The following SLC44A1 variants were observed in gnomAD, a reference collection of about 807,000 sequenced individuals.
SLC44A1 encodes choline transporter-like protein 1.
SLC44A1 carries 26 observed loss-of-function variants against 79.3 expected under a neutral mutation model. That is an observed-to-expected ratio of 0.33 (90% CI 0.24 to 0.46). The LOEUF (loss-of-function observed/expected upper bound fraction) is 0.46, where lower values mean the gene tolerates loss of function less well. SLC44A1 is among the 20% of genes least tolerant of loss of function. SLC44A1 has a pLI of 1.00. For synonymous variants in SLC44A1, 263 were observed against 286.2 expected, an observed-to-expected ratio of 0.92 and a Z score of 0.82; for missense variants, 688 against 798.1, an observed-to-expected ratio of 0.86 and a Z score of 1.66.
intron 4 of SLC44A1, among the ~76,000 whole-genome samples, chr9:105,337,497 T>A (rs183208255): frequency 2.6e-5 from 4 of 152,338 alleles, no homozygotes; most frequent in Admixed American, 2.6e-4. Flanking sequence ...TAATGGAATG[T>A]AATAGTCTTT....
chr9:105,329,893 C>G (rs1826697602), intron 3 of SLC44A1, among the ~76,000 whole-genome samples: 1 of 152,118 alleles, frequency 6.6e-6, no homozygotes, highest in Admixed American at 6.6e-5. Flanking sequence ...AATGGTTTCT[C>G]TAACCCCTTA....
chr9:105,373,174 G>A (rs1381252172), intron 12 of SLC44A1, among the ~76,000 whole-genome samples: 2 of 152,114 alleles, frequency 1.3e-5, no homozygotes, highest in Non-Finnish European at 2.9e-5. Flanking sequence ...AGTGGTTAAA[G>A]CTTTATAGAC....
At chr9:105,367,347 G>T (rs564484719) in intron 12 of SLC44A1, among the ~76,000 whole-genome samples, 12 of 152,138 alleles carry the variant, frequency 7.9e-5, no homozygotes, top group African/African-American at 2.6e-4. Context: ...TGCTTTATTG[G>T]GTTCTATGGT....
At chr9:105,358,049 G>A (rs1564456529) in intron 6 of SLC44A1, among the ~76,000 whole-genome samples, 1 of 152,112 alleles carries the variant, frequency 6.6e-6, no homozygotes, top group Non-Finnish European at 1.5e-5. Context: ...TGTCTTCCCC[G>A]TGGTGAATCC....
chr9:105,368,252 G>A (rs933359815), intron 12 of SLC44A1, among the ~76,000 whole-genome samples: 1 of 151,718 alleles, frequency 6.6e-6, no homozygotes, highest in Non-Finnish European at 1.5e-5. Flanking sequence ...TCGTAGGCAC[G>A]ATGTTTGAAG....
Position 105,276,565 on chromosome 9 carries a change from C to CGTGTGTGTGTGTGTGT in SLC44A1, c.37-22616_37-22601dup, listed in dbSNP as rs60259632. On this transcript the variant is annotated intron_variant, in intron 1 of 15. Coordinates refer to ENST00000374720, the MANE Select transcript of SLC44A1 (RefSeq NM_080546.5). ...AAGTTAGGAAACGGGGATGGGGAGC[C>CGTGTGTGTGTGTGTGT]GTGTGTGTGTGTGTGTGTGTGTGTG... is the stretch of plus-strand genomic sequence containing the variant. Among the ~76,000 whole-genome samples the CGTGTGTGTGTGTGTGT allele has an allele frequency of 3.2e-3, 381 of 118,980 alleles. 16 individuals carry two copies. The highest frequency in any genetic ancestry group is 5.7e-3 in the East Asian group (20 of 3,532). The allele number at this position is 118,980 out of a possible 152,430, so 78.1% of individuals were successfully genotyped here. A position where few individuals can be genotyped will look rare whatever the true frequency, so the allele number is the denominator to read the frequency against.
chr9:105,250,872 G>GT (rs951324299), intron 1 of SLC44A1, among the ~76,000 whole-genome samples: 73 of 151,398 alleles, frequency 4.8e-4, no homozygotes, highest in Non-Finnish European at 7.8e-4. Flanking sequence ...ATCAAAAAAA[G>GT]TTTTTTTTTC....
intron 2 of SLC44A1, among the ~76,000 whole-genome samples, chr9:105,309,356 TC>T (rs1207058144): frequency 1.3e-5 from 2 of 152,328 alleles, no homozygotes; most frequent in East Asian, 3.9e-4. Flanking sequence ...CGCCTCAGTT[TC>T]TTCATCATGA....
chr9:105,315,989 G>A (rs1015530688), intron 3 of SLC44A1, among the ~76,000 whole-genome samples: 5 of 152,020 alleles, frequency 3.3e-5, no homozygotes, highest in Non-Finnish European at 7.4e-5. Flanking sequence ...CCACTATTAC[G>A]AATACTAAAA....
rs1828868975 is a variant in SLC44A1 at position 105,395,990 on chromosome 9, C to G, written c.*6934C>G. 4.1e-6 allele frequency: 4 copies of G among 984,104 alleles called. No homozygotes were observed. Among genetic ancestry groups the G allele is most frequent in the Non-Finnish European group, 4.8e-6 (4 of 829,670 alleles). The allele number at this position is 984,104 out of a possible 1,614,324, so 61.0% of individuals were successfully genotyped here. On this transcript the variant is annotated 3_prime_UTR_variant, in exon 16 of 16. Coordinates refer to ENST00000374720, the MANE Select transcript of SLC44A1 (RefSeq NM_080546.5). ...GGGGGCTGGTGATTTGAAACAGGGA[C>G]TATTAAGTAGATTTTCCCCCATCCT...
chr9:105,436,761 C>G (rs1021457836), intron 15 of SLC44A1, among the ~76,000 whole-genome samples: 1 of 152,012 alleles, frequency 6.6e-6, no homozygotes, highest in Non-Finnish European at 1.5e-5. Flanking sequence ...AATCTGAGGC[C>G]GGGGGATCAG....
chr9:105,295,893 A>G (rs979926403), intron 1 of SLC44A1, among the ~76,000 whole-genome samples: 2 of 152,188 alleles, frequency 1.3e-5, no homozygotes, highest in Non-Finnish European at 2.9e-5. Flanking sequence ...TGTAGAAGAC[A>G]TAATATTTGT....
chr9:105,425,901 G>A (rs1260117029), intron 15 of SLC44A1, among the ~76,000 whole-genome samples: 3 of 152,202 alleles, frequency 2.0e-5, no homozygotes, highest in Admixed American at 1.3e-4. Context: ...GATGGTCACT[G>A]GGACTCGTAA....
chr9:105,399,862 G>T (rs1225543505), downstream of SLC44A1, among the ~76,000 whole-genome samples: 1 of 152,190 alleles, frequency 6.6e-6, no homozygotes, highest in South Asian at 2.1e-4. Flanking sequence ...TAGTTAACTG[G>T]TTAATTGAAA....
intron 3 of SLC44A1, among the ~76,000 whole-genome samples, chr9:105,313,066 C>A (rs1333825327): frequency 6.6e-6 from 1 of 152,114 alleles, no homozygotes; most frequent in African/African-American, 2.4e-5. Flanking sequence ...TTCTTATTGT[C>A]TGGGACATTC....
At position 105,421,304 on chromosome 9, in the gene SLC44A1, T is replaced by A. The variant is rs996802719; in HGVS notation, c.1951-16977T>A. On this transcript the variant is annotated intron_variant, in intron 15 of 15. Transcript: ENST00000374724. ...TTTGCCTAGTAAGCAAAAGCCACTG[T>A]GCTAAGGGCTTTCTAGGCATTATCT... Among the ~76,000 whole-genome samples, 16 of 152,350 alleles carry A rather than the reference T, an allele frequency of 1.1e-4. No individual in the cohort carries two copies. In the East Asian group the frequency reaches 3.1e-3, roughly 29 times the overall value.
rs1031458268 is a variant in SLC44A1 at position 105,329,363 on chromosome 9, G to T, written c.270-6200G>T. ...TGCTGCAGTGCTTCCATCCTGATTG[G>T]AGAGGAGAGCAGCCAAATTCGGCAG... On this transcript the variant is annotated intron_variant, in intron 3 of 15. Coordinates refer to ENST00000374720, the MANE Select transcript of SLC44A1 (RefSeq NM_080546.5). Among the ~76,000 whole-genome samples, 6 of 152,268 alleles carry T rather than the reference G, an allele frequency of 3.9e-5. No homozygotes were observed. In the South Asian group the frequency reaches 8.3e-4, roughly 21 times the overall value.
At chr9:105,378,641 T>C (rs538221660) in intron 13 of SLC44A1, among the ~76,000 whole-genome samples, 15 of 152,234 alleles carry the variant, frequency 9.9e-5, no homozygotes, top group South Asian at 8.3e-4. Context: ...ATTTTTTTAA[T>C]TGAGAAATTC....
intron 4 of SLC44A1, 135 bp from the exon 5 acceptor site, chr9:105,348,222 TA>T (rs1306654789): frequency 1.8e-6 from 1 of 547,620 alleles, no homozygotes; most frequent in Non-Finnish European, 3.3e-6. Flanking sequence ...GGACTTATAA[TA>T]TGGATCAAAT....
Sources: gnomAD v4.1 joint callset for allele counts (sites outside exome capture counted in the v4.1 genomes callset) on GRCh38, gnomAD v4.1.1 for gene constraint, MANE v1.5 for transcripts, NCBI Gene and HGNC (gene_info 2026-07-23, HGNC 2026-07-21) for gene names.